ADGRG7: variants seen among roughly 807,000 people sequenced by gnomAD.
ADGRG7 encodes the protein G-protein coupled receptor 128.
Under a neutral mutation model 88.6 loss-of-function variants are expected in ADGRG7, and 82 were observed. That is an observed-to-expected ratio of 0.93 (90% CI 0.77 to 1.11). The LOEUF (loss-of-function observed/expected upper bound fraction) is 1.11. ADGRG7 is among the 50% of genes most tolerant of loss of function. The pLI is 0.00. For missense variants in ADGRG7, 945 were observed against 953.4 expected, an observed-to-expected ratio of 0.99 and a Z score of 0.12; for synonymous variants, 381 against 345.2, an observed-to-expected ratio of 1.10 and a Z score of -1.15.
intron 1 of ADGRG7, among the ~76,000 whole-genome samples, chr3:100,622,504 T>G (rs762797098): frequency 6.6e-6 from 1 of 152,174 alleles, no homozygotes; most frequent in Non-Finnish European, 1.5e-5. Context: ...ATGACTAAGA[T>G]GCTGAGTCTT....
At chr3:100,627,834 G>C (rs1317739561) in intron 1 of ADGRG7, among the ~76,000 whole-genome samples, 3 of 151,972 alleles carry the variant, frequency 2.0e-5, no homozygotes, top group African/African-American at 7.3e-5. Flanking sequence ...AACAAAATTT[G>C]GGAAATTTTG....
At chr3:100,637,656 A>T in intron 6 of ADGRG7, 1 of 401,850 alleles carries the variant, frequency 2.5e-6, no homozygotes, top group Non-Finnish European at 4.5e-6. Context: ...TTTAGATTAG[A>T]ACTTGTTTTC....
chr3:100,624,350 T>C (rs749619458), intron 1 of ADGRG7, among the ~76,000 whole-genome samples: 54 of 152,238 alleles, frequency 3.5e-4, no homozygotes, highest in Non-Finnish European at 6.6e-4. Context: ...TTTTGAGAAG[T>C]GTCTGTTCAT....
intron 5 of ADGRG7, 79 bp from the exon 6 acceptor site, chr3:100,637,223 A>G: frequency 1.0e-6 from 1 of 972,848 alleles, no homozygotes; most frequent in Admixed American, 1.8e-5. Context: ...TTGCTACTAC[A>G]ATGATTCATG....
intron 4 of ADGRG7, among the ~76,000 whole-genome samples, chr3:100,635,154 T>C (rs527863837): frequency 6.6e-6 from 1 of 152,146 alleles, no homozygotes; most frequent in Non-Finnish European, 1.5e-5. Context: ...TCTCGGCCAG[T>C]GCCTTCCAAA....
At chr3:100,619,765 G>A (rs556531060) in intron 1 of ADGRG7, among the ~76,000 whole-genome samples, 14,452 of 152,112 alleles carry the variant, frequency 0.095, 900 homozygotes, top group Middle Eastern at 0.17. Context: ...TACCATCAGA[G>A]AATACTATAA....
intron 11 of ADGRG7, among the ~76,000 whole-genome samples, chr3:100,652,415 C>T (rs2094931167): frequency 6.6e-6 from 1 of 152,098 alleles, no homozygotes; most frequent in African/African-American, 2.4e-5. Flanking sequence ...GAACTTTAGG[C>T]ATAGTAATAA....
chr3:100,647,449 A>T (rs1274651904), intron 10 of ADGRG7, among the ~76,000 whole-genome samples: 2 of 152,240 alleles, frequency 1.3e-5, no homozygotes, highest in Non-Finnish European at 2.9e-5. Flanking sequence ...AGCTTTTCCC[A>T]ATGAAATTGC....
intron 14 of ADGRG7, among the ~76,000 whole-genome samples, chr3:100,664,399 A>T (rs1286528204): frequency 6.6e-6 from 1 of 152,166 alleles, no homozygotes; most frequent in Non-Finnish European, 1.5e-5. Context: ...TAAGACTAAG[A>T]TGCTATTTTC....
chr3:100,669,141 G>A (rs1465103855), intron 15 of ADGRG7, 36 bp downstream of exon 15: 15 of 1,447,712 alleles, frequency 1.0e-5, no homozygotes, highest in Non-Finnish European at 1.3e-5. Context: ...AGCAGAACAC[G>A]CAGTGGTGGA....
At chr3:100,624,039 G>A (rs2149014499) in intron 1 of ADGRG7, among the ~76,000 whole-genome samples, 1 of 151,352 alleles carries the variant, frequency 6.6e-6, no homozygotes, top group Admixed American at 6.6e-5. Flanking sequence ...ATAGTGGAAT[G>A]ATGAGTATAT....
At chr3:100,637,161 C>A (rs1707557913) in intron 5 of ADGRG7, 141 bp from the exon 6 acceptor site, 1 of 598,442 alleles carries the variant, frequency 1.7e-6, no homozygotes, top group Admixed American at 2.9e-5. Context: ...AAAGAATAAA[C>A]CTTTAATTTT....
chr3:100,687,865 T>C (rs2094985764), intron 15 of ADGRG7, among the ~76,000 whole-genome samples: 1 of 152,218 alleles, frequency 6.6e-6, no homozygotes, highest in Non-Finnish European at 1.5e-5. Flanking sequence ...CTGCCAGGCT[T>C]TGGTATCAGG....
chr3:100,620,833 G>GA (rs1707300688), intron 1 of ADGRG7, among the ~76,000 whole-genome samples: 1 of 79,770 alleles, frequency 1.3e-5, no homozygotes, highest in South Asian at 3.1e-4. Flanking sequence ...TAGGTATTAT[G>GA]TTTTTTTTTT....
Position 100,694,825 on chromosome 3 carries a change from T to G in ADGRG7, c.2218T>G (p.Ser740Ala), listed in dbSNP as rs1306642800. Residue 740 changes from serine (S) to alanine (A), a missense_variant, in exon 16 of 16, where the codon TCT becomes GCT. Transcript: ENST00000273352. Reference protein sequence around the residue: ...EASKVLMLLSSIGRRKSLPSV... With the variant: ...EASKVLMLLSAIGRRKSLPSV... ...TTCCAAAGTGTTGATGTTGCTATCGTCTATTGGGAGAAGGAAGTCATTGCC... is the reference window on the plus strand; with the variant it reads ...TTCCAAAGTGTTGATGTTGCTATCGGCTATTGGGAGAAGGAAGTCATTGCC... 6.2e-7 allele frequency: 1 copy of G among 1,614,004 alleles called. No homozygotes were observed. The highest frequency in any genetic ancestry group is 8.5e-7 in the Non-Finnish European group (1 of 1,180,012).
intron 14 of ADGRG7, among the ~76,000 whole-genome samples, chr3:100,666,434 G>A (rs1012243290): frequency 6.6e-6 from 1 of 152,142 alleles, no homozygotes; most frequent in African/African-American, 2.4e-5. Context: ...ACAAGGTAAA[G>A]GATTAAGTGC....
At chr3:100,661,527 G>A (rs1559683894) in intron 14 of ADGRG7, among the ~76,000 whole-genome samples, 1 of 152,146 alleles carries the variant, frequency 6.6e-6, no homozygotes. Flanking sequence ...AAGAAATTGT[G>A]CCAGTTGTTG....
chr3:100,646,590 C>G lies in ADGRG7; in HGVS notation c.1132C>G (p.Leu378Val). 6.2e-7 allele frequency: 1 copy of G among 1,613,612 alleles called. No individual in the cohort carries two copies. The highest frequency in any genetic ancestry group is 8.5e-7 in the Non-Finnish European group (1 of 1,179,676). The change falls in exon 10 of 16, where the codon CTC becomes GTC. Residue 378 changes from leucine (L) to valine (V), a missense_variant. By Grantham distance (32) the Leu-to-Val change is conservative (BLOSUM62 1). Coordinates refer to ENST00000273352, the MANE Select transcript of ADGRG7 (RefSeq NM_032787.3). ...SPKYNQKEFQ[L>V]YSYACVYWNL... ...ATAGTACAACCAAAAAGAATTTCAA[C>G]TCTATTCCTATGCCTGTGTCTATTG...
intron 1 of ADGRG7, among the ~76,000 whole-genome samples, chr3:100,618,532 T>A (rs1006527937): frequency 6.6e-6 from 1 of 152,218 alleles, no homozygotes; most frequent in Non-Finnish European, 1.5e-5. Context: ...GTTGTAGATA[T>A]GAGGCATCAT....
Sources: allele counts gnomAD v4.1 joint callset (sites outside exome capture counted in the v4.1 genomes callset), GRCh38; gene constraint gnomAD v4.1.1; transcripts MANE v1.5; gene names NCBI Gene and HGNC (gene_info 2026-07-23, HGNC 2026-07-21).